The following GNAL variants were observed in gnomAD, a reference collection of about 807,000 sequenced individuals.
GNAL encodes G protein subunit alpha L.
Under a neutral mutation model 55.1 loss-of-function variants are expected in GNAL, and 18 were observed. The ratio of observed to expected loss-of-function variants is 0.33; its 90% CI spans 0.23 to 0.48. The LOEUF (loss-of-function observed/expected upper bound fraction) is 0.48, where lower values mean the gene tolerates loss of function less well. Ranked by LOEUF, GNAL falls within the 20% of genes least tolerant of loss-of-function variation. GNAL has a pLI of 0.99. For synonymous variants in GNAL, 253 were observed against 237.0 expected (o/e 1.07, Z -0.62); for missense variants, 412 against 614.1 (o/e 0.67, Z 3.48).
Position 11,779,635 on chromosome 18 carries a change from G to A in GNAL, c.624+25690G>A, listed in dbSNP as rs185833654. On this transcript the variant is annotated intron_variant, in intron 4 of 11. Coordinates refer to ENST00000334049, the MANE Select transcript of GNAL (RefSeq NM_182978.4). ...TCAGTTCTTTGGGGAGTGAAAATGC[G>A]GGTCAATGGGAATGGAAAGATGGGA... 1.2e-4 allele frequency among the ~76,000 whole-genome samples: 18 copies of A among 152,232 alleles called. No individual in the cohort carries two copies. The East Asian group carries it at 2.9e-3, about 24-fold the overall frequency.
intron 11 of GNAL, among the ~76,000 whole-genome samples, chr18:11,880,673 A>G (rs1176607541): frequency 1.3e-5 from 2 of 152,198 alleles, no homozygotes; most frequent in Non-Finnish European, 2.9e-5. Flanking sequence ...GGCAGGGCAG[A>G]TAGTGGACAT....
At chr18:11,841,436 AG>A (rs2035610713) in intron 5 of GNAL, among the ~76,000 whole-genome samples, 1 of 152,154 alleles carries the variant, frequency 6.6e-6, no homozygotes, top group South Asian at 2.1e-4. Flanking sequence ...ACCTGGGGTC[AG>A]GAGTTCAAGA....
intron 1 of GNAL, among the ~76,000 whole-genome samples, chr18:11,693,609 A>G (rs1049901916): frequency 9.2e-5 from 14 of 152,262 alleles, no homozygotes; most frequent in African/African-American, 3.4e-4. Context: ...TTATGCTGCC[A>G]TTGTGTTTAA....
At chr18:11,724,509 C>T (rs1415358536) in intron 1 of GNAL, among the ~76,000 whole-genome samples, 1 of 152,200 alleles carries the variant, frequency 6.6e-6, no homozygotes, top group Non-Finnish European at 1.5e-5. Context: ...TCATGCAGAA[C>T]CATCCACACA....
intron 1 of GNAL, among the ~76,000 whole-genome samples, chr18:11,748,851 G>A (rs989760569): frequency 6.6e-6 from 1 of 152,060 alleles, no homozygotes. Flanking sequence ...CTGGCCAGGC[G>A]CAGTAGCTCA....
At chr18:11,767,271 C>T (rs2033436456) in intron 4 of GNAL, among the ~76,000 whole-genome samples, 1 of 151,034 alleles carries the variant, frequency 6.6e-6, no homozygotes, top group Non-Finnish European at 1.5e-5. Context: ...CACACTTGCA[C>T]TCTAGGCACC....
chr18:11,727,504 G>C (rs1450751395), intron 1 of GNAL, among the ~76,000 whole-genome samples: 1 of 152,166 alleles, frequency 6.6e-6, no homozygotes, highest in Non-Finnish European at 1.5e-5. Context: ...GTAACGGATG[G>C]GCTGCAGCTT....
chr18:11,768,907 A>AAT (rs1555648411), intron 4 of GNAL, among the ~76,000 whole-genome samples: 4 of 109,484 alleles, frequency 3.7e-5, no homozygotes, highest in African/African-American at 1.5e-4. Flanking sequence ...AAAAAAAAAA[A>AAT]ATATATATAT....
At chr18:11,852,800 C>T (rs980655073) in intron 5 of GNAL, 3 of 166,786 alleles carry the variant, frequency 1.8e-5, no homozygotes, top group African/African-American at 7.3e-5. Context: ...GGGAAAAATG[C>T]CGAATAACTT....
rs1555615384 is a variant in GNAL, at chr18:11,861,989, C to CACACAA, written c.723-405_723-404insCACAAA. On this transcript the variant is annotated intron_variant, in intron 5 of 11. Coordinates refer to ENST00000334049, the MANE Select transcript of GNAL (RefSeq NM_182978.4). ...ACACACACACACACACACACACACA[C>CACACAA]AACATCTGGATTTGATTAGGAAACT... Among the ~76,000 whole-genome samples the CACACAA allele has an allele frequency of 1.7e-4, 25 of 150,204 alleles. 1 individual carries two copies. The highest frequency in any genetic ancestry group is 1.3e-4 in the Admixed American group (2 of 15,072).
intron 4 of GNAL, among the ~76,000 whole-genome samples, chr18:11,782,849 A>G (rs1213709946): frequency 6.6e-6 from 1 of 152,206 alleles, no homozygotes; most frequent in African/African-American, 2.4e-5. Flanking sequence ...ATGTACATAG[A>G]TGCTACTGAA....
At chr18:11,840,190 G>A (rs1048727053) in intron 5 of GNAL, among the ~76,000 whole-genome samples, 2 of 152,278 alleles carry the variant, frequency 1.3e-5, no homozygotes, top group African/African-American at 4.8e-5. Flanking sequence ...ACAATTAAGT[G>A]CATGGGATGC....
At chr18:11,788,897 G>GAATAAAAAAAAAAA (rs2034135064) in intron 4 of GNAL, among the ~76,000 whole-genome samples, 1 of 82,516 alleles carries the variant, frequency 1.2e-5, no homozygotes, top group Admixed American at 1.3e-4. Context: ...ACTCCGTCTC[G>GAATAAAAAAAAAAA]AAAAAAAAAA....
intron 4 of GNAL, among the ~76,000 whole-genome samples, chr18:11,819,052 A>T (rs903988033): frequency 2.6e-5 from 4 of 152,182 alleles, no homozygotes; most frequent in African/African-American, 7.2e-5. Context: ...ACGGCACCAC[A>T]CTCACGTCAA....
intron 4 of GNAL, among the ~76,000 whole-genome samples, chr18:11,788,654 C>G (rs898717132): frequency 1.3e-5 from 2 of 151,866 alleles, no homozygotes; most frequent in East Asian, 3.9e-4. Flanking sequence ...GGCGGATCAC[C>G]TGAGGTCAGG....
rs985364178 is a variant in GNAL, at chr18:11,841,654, A to G, written c.722+16639A>G. ...AGTAAGGGTCTGTCTCAAAAAAAAA[A>G]AAAAAAAAGAAAGAAAGAAAGAAAT... On this transcript the variant is annotated intron_variant, in intron 5 of 11. Transcript: ENST00000334049. Among the ~76,000 whole-genome samples the G allele has an allele frequency of 1.2e-4, 18 of 151,916 alleles. 1 individual carries two copies. The highest frequency in any genetic ancestry group is 9.8e-4 in the Admixed American group (15 of 15,258).
At chr18:11,879,683 C>T (rs2036616334) in intron 11 of GNAL, among the ~76,000 whole-genome samples, 1 of 152,250 alleles carries the variant, frequency 6.6e-6, no homozygotes, top group African/African-American at 2.4e-5. Context: ...TCAGGGAACA[C>T]AATTTGGCCC....
rs1315703238 is a variant in GNAL, at chr18:11,769,038, A to T, written c.624+15093A>T. Among the ~76,000 whole-genome samples the T allele has an allele frequency of 1.3e-4, 12 of 89,522 alleles. 1 individual carries two copies. The highest frequency in any genetic ancestry group is 2.8e-4 in the Admixed American group (2 of 7,194). The allele number at this position is 89,522 out of a possible 152,430, so 58.7% of individuals were successfully genotyped here. A position where few individuals can be genotyped will look rare whatever the true frequency, so the allele number is the denominator to read the frequency against. On this transcript the variant is annotated intron_variant, in intron 4 of 11. Transcript: ENST00000334049. ...TTCTATATTATAATATATTATATAT[A>T]ATATATAATATATATAATATATATT...
chr18:11,768,918 A>G lies in GNAL; in HGVS notation c.624+14973A>G, dbSNP rs1450102341. 1.6e-4 allele frequency among the ~76,000 whole-genome samples: 22 copies of G among 134,608 alleles called. 2 individuals are homozygous for G. Among genetic ancestry groups the G allele is most frequent in the East Asian group, 6.0e-4 (3 of 4,962 alleles). 88.3% of individuals were successfully genotyped at this position (134,608 alleles called of 152,430 possible). A position where few individuals can be genotyped will look rare whatever the true frequency, so the allele number is the denominator to read the frequency against. On this transcript the variant is annotated intron_variant, in intron 4 of 11. Transcript: ENST00000334049. ...CAAAAAAAAAAAAAAATATATATAT[A>G]ACATATTATTATATATATTATATAT... is the stretch of plus-strand genomic sequence containing the variant.
Sources: allele counts gnomAD v4.1 joint callset (sites outside exome capture counted in the v4.1 genomes callset), GRCh38; gene constraint gnomAD v4.1.1; transcripts MANE v1.5; gene names NCBI Gene and HGNC (gene_info 2026-07-23, HGNC 2026-07-21).